INPP4A: variants seen among roughly 807,000 people sequenced by gnomAD.
INPP4A encodes the protein inositol polyphosphate-4-phosphatase, type I, 107kD.
In INPP4A, 33 loss-of-function variants were observed where a neutral mutation model predicts 119.8. The ratio of observed to expected loss-of-function variants is 0.28; its 90% CI spans 0.21 to 0.37. The LOEUF is 0.37. Ranked by LOEUF, INPP4A falls within the 10% of genes least tolerant of loss-of-function variation. The pLI, the probability that INPP4A is intolerant of heterozygous loss-of-function variation, is 1.00. For missense variants in INPP4A, 956 were observed against 1,289.9 expected (o/e 0.74, Z 3.97); for synonymous variants, 496 against 500.7 (o/e 0.99, Z 0.12).
At chr2:98,502,355 C>T (rs1165415570) in intron 1 of INPP4A, among the ~76,000 whole-genome samples, 1 of 152,074 alleles carries the variant, frequency 6.6e-6, no homozygotes, top group African/African-American at 2.4e-5. Context: ...TAGGTTTCTT[C>T]CAGTGGGAGA....
chr2:98,450,075 GTTTT>G (rs889771382), intron 1 of INPP4A, among the ~76,000 whole-genome samples: 3 of 151,944 alleles, frequency 2.0e-5, no homozygotes, highest in African/African-American at 7.3e-5. Context: ...GCTTTAGAAT[GTTTT>G]TTTAAGTGTG....
chr2:98,546,679 A>G lies in INPP4A; in HGVS notation c.1148A>G (p.Glu383Gly), dbSNP rs758830953. ...CTCCGCAAAAAGCTGCACAAATTTGAAGAGACCAAGAAACAGTAAGTAGCC... is the reference window on the plus strand; with the variant it reads ...CTCCGCAAAAAGCTGCACAAATTTGGAGAGACCAAGAAACAGTAAGTAGCC... Reference protein sequence around the residue: ...GGLRKKLHKFEETKKHTSSGC... With the variant: ...GGLRKKLHKFGETKKHTSSGC... The change falls in exon 13 of 25, where the codon GAA (glutamate) becomes GGA (glycine). Residue 383 changes from glutamate to glycine, a missense_variant. Physicochemically the swap from Glu to Gly is moderately conservative, Grantham distance 98. Coordinates refer to ENST00000409851, the MANE Select transcript of INPP4A (RefSeq NM_001134225.2). The surrounding 1 kb of genome is among the most constrained non-coding windows in gnomAD (Gnocchi z 4.2). 3 of 1,607,442 alleles carry G rather than the reference A, an allele frequency of 1.9e-6. No homozygotes were observed. Among genetic ancestry groups the G allele is most frequent in the Non-Finnish European group, 1.7e-6 (2 of 1,174,016 alleles).
intron 1 of INPP4A, among the ~76,000 whole-genome samples, chr2:98,494,834 A>G (rs1681604817): frequency 6.6e-6 from 1 of 152,252 alleles, no homozygotes; most frequent in African/African-American, 2.4e-5. Flanking sequence ...CAGTTGTCAA[A>G]AACAATAGAG....
At chr2:98,483,502 G>A (rs925746898) in intron 1 of INPP4A, among the ~76,000 whole-genome samples, 2 of 152,102 alleles carry the variant, frequency 1.3e-5, no homozygotes, top group East Asian at 1.9e-4. Context: ...GTTCCCCCCC[G>A]GTCTTGTCTT....
At chr2:98,479,459 G>A (rs1347565649) in intron 1 of INPP4A, among the ~76,000 whole-genome samples, 1 of 152,194 alleles carries the variant, frequency 6.6e-6, no homozygotes. Context: ...TCTGCATGGG[G>A]ATGGCTGGTT....
At chr2:98,530,266 C>T (rs1688967239) in intron 4 of INPP4A, among the ~76,000 whole-genome samples, 1 of 151,466 alleles carries the variant, frequency 6.6e-6, no homozygotes, top group Admixed American at 6.6e-5. Context: ...AATAAAGAAT[C>T]TGAGAGCAGA....
intron 1 of INPP4A, among the ~76,000 whole-genome samples, chr2:98,486,310 T>C (rs1679521135): frequency 6.6e-6 from 1 of 152,210 alleles, no homozygotes; most frequent in South Asian, 2.1e-4. Flanking sequence ...GTGAACTCTC[T>C]GGGGTCCCAA....
At chr2:98,522,642 ATG>A (rs750333690) in intron 4 of INPP4A, among the ~76,000 whole-genome samples, 1 of 152,158 alleles carries the variant, frequency 6.6e-6, no homozygotes, top group Non-Finnish European at 1.5e-5. Flanking sequence ...GAACTGAAGA[ATG>A]TGTCTGTAGG....
At chr2:98,535,235 A>G (rs1292147094) in intron 5 of INPP4A, among the ~76,000 whole-genome samples, 1 of 152,256 alleles carries the variant, frequency 6.6e-6, no homozygotes, top group African/African-American at 2.4e-5. Flanking sequence ...TTGAAAAGTC[A>G]GGCTTTAATT....
At chr2:98,536,708 C>T (rs1690353621) in intron 7 of INPP4A, among the ~76,000 whole-genome samples, 2 of 152,154 alleles carry the variant, frequency 1.3e-5, no homozygotes, top group African/African-American at 4.8e-5. Flanking sequence ...GCACTTCCCA[C>T]CAAAACCCTG....
At chr2:98,576,863 C>G in intron 23 of INPP4A, 126 bp from the exon 24 acceptor site, 1 of 1,171,824 alleles carries the variant, frequency 8.5e-7, no homozygotes, top group Non-Finnish European at 1.2e-6. Flanking sequence ...AGCGTCTGGC[C>G]AGGCCTGGGT....
At chr2:98,482,122 T>G (rs796170197) in intron 1 of INPP4A, among the ~76,000 whole-genome samples, 1 of 152,244 alleles carries the variant, frequency 6.6e-6, no homozygotes, top group African/African-American at 2.4e-5. Context: ...ATAAATATAA[T>G]TTTTTAAACT....
At chr2:98,581,600 C>T in intron 24 of INPP4A, 1 of 1,555,262 alleles carries the variant, frequency 6.4e-7, no homozygotes, top group Non-Finnish European at 8.7e-7. Flanking sequence ...AGGTAGTCAC[C>T]CAGAAGAACT....
At chr2:98,471,408 A>G (rs1558896501) in intron 1 of INPP4A, among the ~76,000 whole-genome samples, 1 of 152,254 alleles carries the variant, frequency 6.6e-6, no homozygotes. Context: ...ATTAAAATAT[A>G]TAGCAGGTGG....
intron 4 of INPP4A, among the ~76,000 whole-genome samples, chr2:98,528,137 T>C (rs1688511756): frequency 6.6e-6 from 1 of 152,182 alleles, no homozygotes; most frequent in Non-Finnish European, 1.5e-5. Flanking sequence ...AAGGAGAGTA[T>C]GTCTAAAGAA....
chr2:98,479,570 G>A (rs1677978165), intron 1 of INPP4A, among the ~76,000 whole-genome samples: 1 of 152,164 alleles, frequency 6.6e-6, no homozygotes. Context: ...ATGCCAGGAG[G>A]CACAGAACCC....
intron 1 of INPP4A, among the ~76,000 whole-genome samples, chr2:98,510,238 G>C (rs1684873625): frequency 6.6e-6 from 1 of 152,160 alleles, no homozygotes; most frequent in Non-Finnish European, 1.5e-5. Context: ...TGTGAGAGGA[G>C]GAGGAGGCCA....
intron 4 of INPP4A, among the ~76,000 whole-genome samples, chr2:98,523,644 T>G (rs1290682882): frequency 6.6e-6 from 1 of 152,198 alleles, no homozygotes; most frequent in African/African-American, 2.4e-5. Context: ...TCTGCCCGCC[T>G]CGGCCTCCCA....
Position 98,453,882 on chromosome 2 carries a change from T to C in INPP4A, c.-166+8797T>C, listed in dbSNP as rs1226206777. Among the ~76,000 whole-genome samples the C allele has an allele frequency of 2.6e-5, 4 of 151,950 alleles. No homozygotes were observed. The East Asian group carries it at 7.8e-4, about 29-fold the overall frequency. ...GGAGAGACAGTGGCAGGCAGTGTGTTGATCACCTGAGGTCGGGGGTTCAAG... is the reference window on the plus strand; with the variant it reads ...GGAGAGACAGTGGCAGGCAGTGTGTCGATCACCTGAGGTCGGGGGTTCAAG... On this transcript the variant is annotated intron_variant, in intron 1 of 24. Transcript: ENST00000409851.
Sources: allele counts gnomAD v4.1 joint callset (sites outside exome capture counted in the v4.1 genomes callset), GRCh38; gene constraint gnomAD v4.1.1; non-coding constraint Gnocchi (gnomAD v3.1); transcripts MANE v1.5; gene names NCBI Gene and HGNC (gene_info 2026-07-23, HGNC 2026-07-21).